Variants in SV2C observed in about 807,000 individuals in gnomAD.
The protein encoded by SV2C is solute carrier family 22 member B3.
Under a neutral mutation model 79.7 loss-of-function variants are expected in SV2C, and 49 were observed. That is an observed-to-expected ratio of 0.61 (90% CI 0.49 to 0.78). The LOEUF is 0.78. SV2C is among the 30% of genes least tolerant of loss of function. The pLI is 0.00. For synonymous variants in SV2C, 334 were observed against 333.2 expected (o/e 1.00, Z -0.03); for missense variants, 833 against 912.9 (o/e 0.91, Z 1.13).
the SV2C span, among the ~76,000 whole-genome samples, chr5:76,050,278 G>T: frequency 6.6e-6 from 1 of 152,288 alleles, no homozygotes; most frequent in African/African-American, 2.4e-5. Context: ...TGGTTTCAAT[G>T]TAGGGTGATC....
intron 4 of SV2C, among the ~76,000 whole-genome samples, chr5:76,237,135 G>A (rs181803857): frequency 8.5e-5 from 13 of 152,168 alleles, no homozygotes; most frequent in South Asian, 8.3e-4. Flanking sequence ...TTCCCCAGTC[G>A]TGGGTATTTC....
At chr5:76,073,914 AT>A in the SV2C span, among the ~76,000 whole-genome samples, 2 of 152,160 alleles carry the variant, frequency 1.3e-5, no homozygotes, top group Admixed American at 1.3e-4. Flanking sequence ...AAATAAATTA[AT>A]TTTAAAAAAA....
the SV2C span, among the ~76,000 whole-genome samples, chr5:75,967,096 G>T: frequency 1.3e-5 from 2 of 152,134 alleles, no homozygotes; most frequent in Non-Finnish European, 2.9e-5. Context: ...TGCTTTGAGA[G>T]GCTGAAGTAA....
chr5:76,225,717 G>T (rs558206615), intron 4 of SV2C, among the ~76,000 whole-genome samples: 1 of 152,178 alleles, frequency 6.6e-6, no homozygotes, highest in Non-Finnish European at 1.5e-5. Context: ...ACCAGCATGG[G>T]TTAGGCAACT....
At chr5:75,907,468 C>T in the SV2C span, among the ~76,000 whole-genome samples, 2 of 151,958 alleles carry the variant, frequency 1.3e-5, no homozygotes, top group African/African-American at 2.4e-5. Context: ...TATGGAGCAG[C>T]GCGGTGGGAT....
the SV2C span, among the ~76,000 whole-genome samples, chr5:75,864,348 CCATCCATT>C: frequency 6.6e-6 from 1 of 150,738 alleles, no homozygotes; most frequent in Non-Finnish European, 1.5e-5. Flanking sequence ...ATCCATCCAT[CCATCCATT>C]CATTTAATTA....
the SV2C span, among the ~76,000 whole-genome samples, chr5:75,928,741 G>A: frequency 6.6e-6 from 1 of 152,078 alleles, no homozygotes; most frequent in Non-Finnish European, 1.5e-5. Context: ...TCCCTCTGTG[G>A]TTAATTTGGT....
chr5:75,893,391 G>A, the SV2C span, among the ~76,000 whole-genome samples: 2 of 151,844 alleles, frequency 1.3e-5, no homozygotes, highest in Non-Finnish European at 2.9e-5. Flanking sequence ...GGGTCTTTGG[G>A]TCTAACACTG....
chr5:75,894,859 G>C, the SV2C span, among the ~76,000 whole-genome samples: 2 of 152,042 alleles, frequency 1.3e-5, no homozygotes, highest in Non-Finnish European at 1.5e-5. Flanking sequence ...AGAGACTTGA[G>C]AAGGACTTGT....
chr5:76,305,336 T>A (rs533404166), intron 12 of SV2C, among the ~76,000 whole-genome samples: 1 of 152,304 alleles, frequency 6.6e-6, no homozygotes, highest in South Asian at 2.1e-4. Context: ...ATAGGACACA[T>A]CTTCTTCTAC....
chr5:76,084,667 A>T (rs1747115390), intron 1 of SV2C, among the ~76,000 whole-genome samples: 1 of 118,776 alleles, frequency 8.4e-6, no homozygotes, highest in South Asian at 2.9e-4. Flanking sequence ...TGTGCGAGTG[A>T]TGCAAATGCA....
chr5:76,151,868 G>A (rs1287097388), intron 2 of SV2C, among the ~76,000 whole-genome samples: 1 of 152,196 alleles, frequency 6.6e-6, no homozygotes, highest in East Asian at 1.9e-4. Context: ...CTAAGAGGAA[G>A]CTGTCCAGGA....
chr5:76,243,938 C>A (rs1345718227), intron 4 of SV2C, among the ~76,000 whole-genome samples: 1 of 152,210 alleles, frequency 6.6e-6, no homozygotes, highest in East Asian at 1.9e-4. Context: ...ATGTAGTCCC[C>A]TCTGTTTGAA....
the SV2C span, among the ~76,000 whole-genome samples, chr5:75,895,414 CAAAG>C: frequency 6.6e-6 from 1 of 151,872 alleles, no homozygotes; most frequent in Non-Finnish European, 1.5e-5. Context: ...TCTAAAGAAT[CAAAG>C]AAAAATATGA....
intron 2 of SV2C, among the ~76,000 whole-genome samples, chr5:76,193,322 T>C (rs1744164479): frequency 6.6e-6 from 1 of 152,296 alleles, no homozygotes; most frequent in African/African-American, 2.4e-5. Context: ...GTAGGAGGAA[T>C]GCAGAAAGCA....
intron 2 of SV2C, among the ~76,000 whole-genome samples, chr5:76,191,077 A>G (rs1429080550): frequency 6.6e-6 from 1 of 152,184 alleles, no homozygotes; most frequent in Non-Finnish European, 1.5e-5. Flanking sequence ...CAGGCTGTAC[A>G]GGAAGCGTGG....
chr5:76,045,229 G>A, the SV2C span, among the ~76,000 whole-genome samples: 1 of 152,112 alleles, frequency 6.6e-6, no homozygotes, highest in Non-Finnish European at 1.5e-5. Flanking sequence ...TTTTAGATGT[G>A]TAGTCTTATT....
At chr5:75,998,118 A>C in the SV2C span, among the ~76,000 whole-genome samples, 25 of 151,940 alleles carry the variant, frequency 1.6e-4, no homozygotes, top group Non-Finnish European at 3.4e-4. Flanking sequence ...GCATGTTCTC[A>C]CTCATAGGTG....
chr5:76,270,892 C>G (rs1189922433), intron 4 of SV2C, among the ~76,000 whole-genome samples: 1 of 151,978 alleles, frequency 6.6e-6, no homozygotes, highest in Non-Finnish European at 1.5e-5. Flanking sequence ...CCTCAGCCTC[C>G]CTAGTAGCTG....
Sources: gnomAD v4.1 joint callset for allele counts (sites outside exome capture counted in the v4.1 genomes callset) on GRCh38, gnomAD v4.1.1 for gene constraint, MANE v1.5 for transcripts, NCBI Gene and HGNC (gene_info 2026-07-23, HGNC 2026-07-21) for gene names.